The following HNRNPD variants were observed in gnomAD, a reference collection of about 807,000 sequenced individuals.
HNRNPD encodes heterogeneous nuclear ribonucleoprotein D.
Under a neutral mutation model 47.9 loss-of-function variants are expected in HNRNPD, and 3 were observed. That is an observed-to-expected ratio of 0.06 (90% CI 0.03 to 0.16). The LOEUF is 0.16. HNRNPD is among the 10% of genes least tolerant of loss of function. HNRNPD has a pLI of 1.00. For missense variants in HNRNPD, 287 were observed against 454.2 expected, an observed-to-expected ratio of 0.63 and a Z score of 3.35; for synonymous variants, 171 against 165.1, an observed-to-expected ratio of 1.04 and a Z score of -0.28.
At chr4:82,359,113 C>A (rs747990381) in intron 3 of HNRNPD, among the ~76,000 whole-genome samples, 54 of 152,038 alleles carry the variant, frequency 3.6e-4, no homozygotes, top group Non-Finnish European at 7.2e-4. Context: ...ACAAACATAA[C>A]TGCTACTTCC....
intron 2 of HNRNPD, among the ~76,000 whole-genome samples, chr4:82,362,186 G>A (rs1291241477): frequency 6.6e-6 from 1 of 151,904 alleles, no homozygotes; most frequent in East Asian, 1.9e-4. Context: ...ATATCCACAG[G>A]GTCTTCTAAA....
intron 7 of HNRNPD, chr4:82,355,753 G>T (rs1227755818): frequency 7.6e-6 from 2 of 261,496 alleles, no homozygotes; most frequent in East Asian, 1.9e-4. Flanking sequence ...CACAATCAGT[G>T]CTTAGTATCT....
intron 3 of HNRNPD, 90 bp downstream of exon 3, chr4:82,359,381 G>A: frequency 1.2e-6 from 1 of 869,542 alleles, no homozygotes; most frequent in Admixed American, 2.9e-5. Flanking sequence ...TATCAAAATG[G>A]GGAACCACAA....
chr4:82,355,203 G>A (rs1723664864), intron 8 of HNRNPD, 101 bp downstream of exon 8: 10 of 705,686 alleles, frequency 1.4e-5, no homozygotes, highest in Non-Finnish European at 2.5e-5. Flanking sequence ...AAGCACTTCT[G>A]GGTGCTGTGA....
rs1281942509 is a variant in HNRNPD at position 82,353,583 on chromosome 4, A to C, written c.*602T>G. 2 of 152,646 alleles carry C rather than the reference A, an allele frequency of 1.3e-5. No individual in the cohort carries two copies. The highest frequency in any genetic ancestry group is 4.8e-5 in the African/African-American group (2 of 41,464). 9.5% of individuals were successfully genotyped at this position (152,646 alleles called of 1,614,324 possible). On this transcript the variant is annotated 3_prime_UTR_variant, in exon 9 of 9. Transcript: ENST00000313899. ...GGGCATTTGGGAAAATATTCATATA[A>C]ATCTTAATGGCTACATAAGGAAGTA... is the stretch of plus-strand genomic sequence containing the variant.
intron 7 of HNRNPD, 185 bp from the exon 8 acceptor site, chr4:82,355,586 G>A: frequency 1.7e-6 from 1 of 580,702 alleles, no homozygotes; most frequent in Non-Finnish European, 3.0e-6. Flanking sequence ...ACAATGGCAG[G>A]CATTCAGAAT....
In HNRNPD at chr4:82,356,607, T is replaced by C; in HGVS notation, c.930A>G (p.Gln310=). The C allele has an allele frequency of 1.9e-6, 3 of 1,611,786 alleles. No homozygotes were observed. The highest frequency in any genetic ancestry group is 2.5e-6 in the Non-Finnish European group (3 of 1,179,418). ...QGYGNYGYNS[Q]GYGGYGGYDY... is the part of the protein sequence containing the mutation. ...CATATCCTCCATAACCACCGTAACC[T>C]TGGCTGTTATATCCATAGTTGCCAT... is the stretch of plus-strand genomic sequence containing the variant. Residue 310 remains glutamine (Q), a synonymous_variant, in exon 7 of 9, where the codon CAA becomes CAG. Coordinates refer to ENST00000313899, the MANE Select transcript of HNRNPD (RefSeq NM_031370.3).
intron 2 of HNRNPD, among the ~76,000 whole-genome samples, chr4:82,360,318 A>C (rs755065999): frequency 1.3e-5 from 2 of 152,168 alleles, no homozygotes; most frequent in Non-Finnish European, 2.9e-5. Flanking sequence ...AAAATGCAGA[A>C]AGTGATGGGT....
chr4:82,359,813 T>TA (rs1723884218), intron 2 of HNRNPD, among the ~76,000 whole-genome samples, 174 bp from the exon 3 acceptor site: 1 of 152,168 alleles, frequency 6.6e-6, no homozygotes, highest in South Asian at 2.1e-4. Context: ...GCTGGCTTAT[T>TA]ACTGCTGCTC....
At chr4:82,360,724 A>C (rs1435129930) in intron 2 of HNRNPD, among the ~76,000 whole-genome samples, 1 of 152,148 alleles carries the variant, frequency 6.6e-6, no homozygotes, top group Non-Finnish European at 1.5e-5. Flanking sequence ...AAGGCCTTTC[A>C]TTAGGAAACA....
chr4:82,365,078 A>T (rs1719683734), intron 2 of HNRNPD, among the ~76,000 whole-genome samples: 1 of 152,050 alleles, frequency 6.6e-6, no homozygotes, highest in South Asian at 2.1e-4. Context: ...TTTTTTAGAG[A>T]CGAGATCTTG....
intron 1 of HNRNPD, 131 bp from the exon 2 acceptor site, chr4:82,371,715 T>A: frequency 1.6e-6 from 1 of 628,480 alleles, no homozygotes. Context: ...GCTTTGCGAT[T>A]TGAATTATCA....
chr4:82,373,081 G>A (rs1013230043), intron 1 of HNRNPD: 2 of 492,366 alleles, frequency 4.1e-6, no homozygotes, highest in African/African-American at 3.9e-5. Flanking sequence ...TGTAGAAAAA[G>A]GGAAAAAGAG....
Position 82,358,819 on chromosome 4 carries a change from A to G in HNRNPD, c.461T>C (p.Val154Ala). The stretch of plus-strand genomic sequence containing the variant: ...CAATTTATGTTCTTTTTGATCCATG[A>G]CCTAAGGAAATTGAAGTTTTCATTT... The part of the protein sequence containing the change: ...LFKESESVDK[V>A]MDQKEHKLNG... Residue 154 changes from valine (V) to alanine (A), a missense_variant and splice_region_variant, in exon 4 of 9, where the codon GTC becomes GCC. Physicochemically the swap from Val to Ala is moderately conservative, Grantham distance 64. This residue lies in a region of HNRNPD where 22 missense variants were observed against 74.6 expected (regional missense o/e 0.30). Coordinates refer to ENST00000313899, the MANE Select transcript of HNRNPD (RefSeq NM_031370.3). 1 of 1,583,784 alleles carries G rather than the reference A, an allele frequency of 6.3e-7. No homozygotes were observed. Among genetic ancestry groups the G allele is most frequent in the Non-Finnish European group, 8.6e-7 (1 of 1,169,506 alleles).
chr4:82,359,213 C>T (rs1578048314), intron 3 of HNRNPD, among the ~76,000 whole-genome samples: 1 of 152,120 alleles, frequency 6.6e-6, no homozygotes, highest in African/African-American at 2.4e-5. Context: ...TGCTAAAACA[C>T]ATCCTTTTAA....
intron 2 of HNRNPD, among the ~76,000 whole-genome samples, chr4:82,370,953 A>G (rs1720010643): frequency 6.7e-6 from 1 of 148,336 alleles, no homozygotes; most frequent in Admixed American, 6.8e-5. Flanking sequence ...GGAAAGCCAC[A>G]TTAGCCCACC....
chr4:82,370,527 C>CT (rs3840295), intron 2 of HNRNPD, among the ~76,000 whole-genome samples: 49 of 151,260 alleles, frequency 3.2e-4, no homozygotes, highest in South Asian at 1.7e-3. Flanking sequence ...TGACCCCAGT[C>CT]TTTTTTTTTT....
At chr4:82,373,321 T>C in intron 1 of HNRNPD, 125 bp downstream of exon 1, 3 of 1,270,462 alleles carry the variant, frequency 2.4e-6, no homozygotes, top group Non-Finnish European at 3.2e-6. Flanking sequence ...GGGAGACCAG[T>C]GCAAGGAGGC....
chr4:82,363,032 A>ATG (rs71666730), intron 2 of HNRNPD, among the ~76,000 whole-genome samples: 2,912 of 148,978 alleles, frequency 0.02, 71 homozygotes, highest in African/African-American at 0.059. Context: ...TTATATATAT[A>ATG]TGTGTGTGTG....
Sources: allele counts gnomAD v4.1 joint callset (sites outside exome capture counted in the v4.1 genomes callset), GRCh38; gene constraint gnomAD v4.1.1; regional missense constraint gnomAD v4.1.1; transcripts MANE v1.5; gene names NCBI Gene and HGNC (gene_info 2026-07-23, HGNC 2026-07-21).